Variants in FER1L6 observed in about 807,000 individuals in gnomAD.
The protein encoded by FER1L6 is fer-1 like family member 6.
In FER1L6, 177 loss-of-function variants were observed where a neutral mutation model predicts 219.2. That is an observed-to-expected ratio of 0.81 (90% confidence interval 0.71 to 0.91). The LOEUF is 0.91. Ranked by LOEUF, FER1L6 falls within the 40% of genes least tolerant of loss-of-function variation. The pLI is 0.00. For missense variants in FER1L6, 2,153 were observed against 2,259.9 expected (o/e 0.95, Z 0.96); for synonymous variants, 768 against 824.3 (o/e 0.93, Z 1.17).
At chr8:124,015,377 A>G (rs2130591806) in intron 15 of FER1L6, among the ~76,000 whole-genome samples, 1 of 151,962 alleles carries the variant, frequency 6.6e-6, no homozygotes, top group South Asian at 2.1e-4. Context: ...TTGAGCAAAT[A>G]TGAGAACTTG....
At chr8:123,965,681 AT>A (rs1229353782) in intron 3 of FER1L6, among the ~76,000 whole-genome samples, 1 of 152,232 alleles carries the variant, frequency 6.6e-6, no homozygotes, top group African/African-American at 2.4e-5. Flanking sequence ...TCAGTTTCTC[AT>A]TTTGTTTAAA....
At chr8:124,077,713 C>T (rs576552186) in intron 32 of FER1L6, among the ~76,000 whole-genome samples, 17 of 152,270 alleles carry the variant, frequency 1.1e-4, no homozygotes, top group African/African-American at 1.7e-4. Flanking sequence ...CCATGGCAAA[C>T]GAGAAGAGGA....
chr8:123,965,996 T>C lies in FER1L6; in HGVS notation c.198-11T>C, dbSNP rs962936710. 1.2e-6 allele frequency: 2 copies of C among 1,607,562 alleles called. No homozygotes were observed. The highest frequency in any genetic ancestry group is 1.7e-6 in the Non-Finnish European group (2 of 1,174,880). On this transcript the variant is annotated splice_polypyrimidine_tract_variant and intron_variant, in intron 3 of 40. Transcript: ENST00000522917. ...TTGATGAAACAAACATATTAAACTT[T>C]CTTTTAATAGATCAAAACTGTTGAC...
At chr8:123,998,533 G>A (rs988931440) in intron 12 of FER1L6, among the ~76,000 whole-genome samples, 4 of 151,842 alleles carry the variant, frequency 2.6e-5, no homozygotes, top group African/African-American at 7.3e-5. Flanking sequence ...CCTGGGTCTC[G>A]CCTAAGGCCC....
At chr8:124,050,811 C>G (rs1819984211) in intron 22 of FER1L6, among the ~76,000 whole-genome samples, 3 of 152,022 alleles carry the variant, frequency 2.0e-5, no homozygotes, top group African/African-American at 4.8e-5. Flanking sequence ...GCGTTTTGCC[C>G]TCATGACCTC....
intron 27 of FER1L6, 48 bp downstream of exon 27, chr8:124,066,598 A>G (rs749398422): frequency 1.9e-6 from 3 of 1,602,262 alleles, no homozygotes; most frequent in South Asian, 1.1e-5. Flanking sequence ...ATAAGGAAAC[A>G]CAGCACCTTC....
chr8:124,060,589 C>T lies in FER1L6; in HGVS notation c.3027C>T (p.Leu1009=), dbSNP rs1255852692. The T allele has an allele frequency of 6.2e-7, 1 of 1,613,924 alleles. No individual in the cohort carries two copies. The highest frequency in any genetic ancestry group is 8.5e-7 in the Non-Finnish European group (1 of 1,180,004). ...WGVREMKKVQ[L]LSVDRPQALI... ...TTCGGGAAATGAAGAAGGTGCAGCTCCTCTCTGTGGATCGGCCTCAGGCTC... is the reference window on the plus strand; with the variant it reads ...TTCGGGAAATGAAGAAGGTGCAGCTTCTCTCTGTGGATCGGCCTCAGGCTC... Residue 1009 remains leucine, a synonymous_variant, in exon 24 of 41, where the codon CTC becomes CTT. Transcript: ENST00000522917.
In FER1L6 at chr8:124,119,913, T is replaced by A; in HGVS notation, c.*123T>A. On this transcript the variant is annotated 3_prime_UTR_variant, in exon 41 of 41. Coordinates refer to ENST00000522917, the MANE Select transcript of FER1L6 (RefSeq NM_001039112.2). ...TGCTAAGGGGACAGATCAACCCTTC[T>A]TGGAAGAGATGGAAAAGAAACATTT... is the stretch of plus-strand genomic sequence containing the variant. 1 of 984,476 alleles carries A rather than the reference T, an allele frequency of 1.0e-6. No individual in the cohort carries two copies. The highest frequency in any genetic ancestry group is 1.4e-6 in the Non-Finnish European group (1 of 694,032). 61.0% of individuals were successfully genotyped at this position (984,476 alleles called of 1,614,324 possible).
At chr8:124,003,130 C>G in intron 12 of FER1L6, 37 bp from the exon 13 acceptor site, 1 of 1,584,108 alleles carries the variant, frequency 6.3e-7, no homozygotes, top group South Asian at 1.1e-5. Context: ...CTGATTACCA[C>G]CACCTGACCC....
At chr8:123,900,492 C>G (rs1465658651) in intron 1 of FER1L6, among the ~76,000 whole-genome samples, 1 of 152,086 alleles carries the variant, frequency 6.6e-6, no homozygotes, top group African/African-American at 2.4e-5. Context: ...ATTTCTTTCT[C>G]TTGTCTGCTC....
At chr8:124,007,187 C>T (rs1015730711) in intron 13 of FER1L6, among the ~76,000 whole-genome samples, 4 of 152,108 alleles carry the variant, frequency 2.6e-5, no homozygotes, top group African/African-American at 7.2e-5. Context: ...AGGAAATTTG[C>T]GTGGAAGAGC....
intron 18 of FER1L6, among the ~76,000 whole-genome samples, chr8:124,025,719 T>A (rs1818678514): frequency 6.6e-6 from 1 of 152,196 alleles, no homozygotes; most frequent in African/African-American, 2.4e-5. Flanking sequence ...AAAAATGACG[T>A]TGGTATTTTG....
intron 1 of FER1L6, among the ~76,000 whole-genome samples, chr8:123,895,170 G>C (rs1274959675): frequency 6.6e-6 from 1 of 152,146 alleles, no homozygotes. Flanking sequence ...AGAAATACCA[G>C]ACACATAAAA....
chr8:124,089,063 A>G (rs1164450030), intron 33 of FER1L6, among the ~76,000 whole-genome samples: 1 of 152,114 alleles, frequency 6.6e-6, no homozygotes, highest in Non-Finnish European at 1.5e-5. Context: ...TAGCAGTAGG[A>G]TTTGCACAGG....
intron 1 of FER1L6, among the ~76,000 whole-genome samples, chr8:123,946,686 T>C (rs937313514): frequency 2.6e-5 from 4 of 152,124 alleles, no homozygotes; most frequent in Non-Finnish European, 4.4e-5. Context: ...GGTGGCCACA[T>C]TGGGCCACCT....
intron 33 of FER1L6, among the ~76,000 whole-genome samples, chr8:124,085,549 C>T (rs1031187580): frequency 3.3e-5 from 5 of 150,266 alleles, no homozygotes; most frequent in African/African-American, 9.8e-5. Flanking sequence ...CTCTTGTTAT[C>T]GATTTTGAGT....
At chr8:124,027,351 T>G (rs1374781503) in intron 18 of FER1L6, among the ~76,000 whole-genome samples, 1 of 152,146 alleles carries the variant, frequency 6.6e-6, no homozygotes, top group Non-Finnish European at 1.5e-5. Context: ...CATCCTATTT[T>G]TCATTCATTA....
rs747625989 is a variant in FER1L6 at position 123,956,079 on chromosome 8, G to C, written c.76+5G>C. ...TAGCCAACAAGGCTGCGAAAGGTGA[G>C]GCTGGGGGTGGGGTGCTGACCATTG... On this transcript the variant is annotated splice_donor_5th_base_variant and intron_variant, in intron 2 of 40. Transcript: ENST00000522917. 10 of 1,608,574 alleles carry C rather than the reference G, an allele frequency of 6.2e-6. No individual in the cohort carries two copies. Among genetic ancestry groups the C allele is most frequent in the Admixed American group, 3.4e-5 (2 of 59,390 alleles).
At chr8:123,911,287 T>C (rs76592583) in intron 1 of FER1L6, among the ~76,000 whole-genome samples, 1,540 of 152,324 alleles carry the variant, frequency 0.01, 20 homozygotes, top group Middle Eastern at 0.02. Flanking sequence ...ATGATAGTTA[T>C]GCAATAAAAT....
Sources: allele counts gnomAD v4.1 joint callset (sites outside exome capture counted in the v4.1 genomes callset), GRCh38; gene constraint gnomAD v4.1.1; transcripts MANE v1.5; gene names NCBI Gene and HGNC (gene_info 2026-07-23, HGNC 2026-07-21).